The following CENATAC variants were observed in gnomAD, a reference collection of about 807,000 sequenced individuals.
The protein encoded by CENATAC is centrosomal AT-AC splicing factor.
In CENATAC, 53 loss-of-function variants were observed where a neutral mutation model predicts 53.7. The observed-to-expected ratio is 0.99, with a 90% CI of 0.79 to 1.24. The LOEUF is 1.24. Ranked by LOEUF, CENATAC falls within the 50% of genes most tolerant of loss-of-function variation. The probability of loss-of-function intolerance (pLI) is 0.00; values close to 1 mark genes in which losing one functional copy is unlikely to be tolerated. For synonymous variants in CENATAC, 156 were observed against 144.6 expected, an observed-to-expected ratio of 1.08 and a Z score of -0.57; for missense variants, 474 against 417.8, an observed-to-expected ratio of 1.13 and a Z score of -1.17.
At chr11:118,999,334 T>C (rs1351910947) in intron 3 of CENATAC, 1 of 477,124 alleles carries the variant, frequency 2.1e-6, no homozygotes, top group Non-Finnish European at 3.8e-6. Flanking sequence ...ATACTAAAAG[T>C]TGACTGTTAT....
intron 3 of CENATAC, among the ~76,000 whole-genome samples, chr11:119,006,895 G>C (rs1001816053): frequency 6.6e-6 from 1 of 152,148 alleles, no homozygotes; most frequent in Admixed American, 6.5e-5. Flanking sequence ...CCTTTCACTT[G>C]GTTTTCATTC....
At chr11:119,001,458 C>T (rs974371629) in intron 3 of CENATAC, among the ~76,000 whole-genome samples, 3 of 151,600 alleles carry the variant, frequency 2.0e-5, no homozygotes, top group Admixed American at 2.0e-4. Context: ...GTGGTGCGAT[C>T]TCGGCTCACT....
At chr11:119,013,880 T>A (rs1169024662) in intron 8 of CENATAC, among the ~76,000 whole-genome samples, 1 of 151,956 alleles carries the variant, frequency 6.6e-6, no homozygotes. Flanking sequence ...AATAAAAGCA[T>A]ATGAATAATG....
intron 7 of CENATAC, 92 bp downstream of exon 7, chr11:119,012,346 T>C: frequency 7.3e-7 from 1 of 1,365,538 alleles, no homozygotes; most frequent in East Asian, 2.4e-5. Flanking sequence ...AAGCCACTGC[T>C]GCCTCCACTG....
chr11:119,014,981 ATT>A lies in CENATAC; in HGVS notation c.716-5_716-4del, dbSNP rs781860759. On this transcript the variant is annotated splice_polypyrimidine_tract_variant and intron_variant, in intron 8 of 10. Coordinates refer to ENST00000334418, the MANE Select transcript of CENATAC (RefSeq NM_198489.3). Reference sequence around the variant, plus strand: ...CTTAAAAAAAAAAAAAAAAGCCTTAATTTTTTTTTCAGGTGCCACACCTCCCT... The same window carrying A: ...CTTAAAAAAAAAAAAAAAAGCCTTAATTTTTTTCAGGTGCCACACCTCCCT... 18 of 1,474,658 alleles carry A rather than the reference ATT, an allele frequency of 1.2e-5. No individual in the cohort carries two copies. The Admixed American group carries it at 3.5e-4, about 29-fold the overall frequency. The allele number at this position is 1,474,658 out of a possible 1,614,324, so 91.3% of individuals were successfully genotyped here.
chr11:119,014,957 T>C, intron 8 of CENATAC, 37 bp from the exon 9 acceptor site: 1 of 944,546 alleles, frequency 1.1e-6, no homozygotes, highest in Non-Finnish European at 1.5e-6. Context: ...GCCTGAAGAC[T>C]TAAAAAAAAA....
rs782202051 is a variant in CENATAC at position 118,998,340 on chromosome 11, G to A, written c.120+23G>A. 5 of 1,611,210 alleles carry A rather than the reference G, an allele frequency of 3.1e-6. No individual in the cohort carries two copies. In the East Asian group the frequency reaches 1.1e-4, roughly 36 times the overall value. On this transcript the variant is annotated intron_variant, in intron 1 of 10. Transcript: ENST00000334418. ...CAGGTGCGGAGGCAAGGCTAGAGAT[G>A]GGATGGGAGTGCGGGGCAGGTCAGT... is the stretch of plus-strand genomic sequence containing the variant.
At chr11:119,008,251 G>A (rs1042484863) in intron 3 of CENATAC, among the ~76,000 whole-genome samples, 2 of 152,184 alleles carry the variant, frequency 1.3e-5, no homozygotes, top group African/African-American at 2.4e-5. Flanking sequence ...GACCTGCACC[G>A]GCACCGGCCT....
chr11:118,999,791 T>C (rs902149804), intron 3 of CENATAC, among the ~76,000 whole-genome samples: 10 of 152,168 alleles, frequency 6.6e-5, no homozygotes, highest in Admixed American at 3.9e-4. Context: ...TACAGGCGCC[T>C]GCCACCACGC....
intron 3 of CENATAC, among the ~76,000 whole-genome samples, chr11:119,000,111 C>T (rs1163155378): frequency 6.6e-6 from 1 of 152,228 alleles, no homozygotes; most frequent in Non-Finnish European, 1.5e-5. Flanking sequence ...GGGAATTCAT[C>T]TGCTGCCTCT....
intron 2 of CENATAC, 112 bp from the exon 3 acceptor site, chr11:118,998,899 C>A: frequency 1.2e-6 from 1 of 800,336 alleles, no homozygotes; most frequent in Non-Finnish European, 2.1e-6. Flanking sequence ...CCTCTCTCAG[C>A]CGTGCCCCAG....
intron 3 of CENATAC, among the ~76,000 whole-genome samples, chr11:119,009,117 T>C (rs1592068271): frequency 6.6e-6 from 1 of 152,308 alleles, no homozygotes; most frequent in East Asian, 1.9e-4. Flanking sequence ...CTGATCTTTC[T>C]TTCTTTTCCC....
Position 119,015,323 on chromosome 11 carries a change from G to A in CENATAC, c.822G>A (p.Leu274=). Residue 274 remains leucine, a synonymous_variant, in exon 10 of 11, where the codon TTG becomes TTA. Transcript: ENST00000334418. ...ATTGTACAGAGGAAAAACAGAAGTT[G>A]AAAAAACTCCCCCCAGACCGAGTTG... is the stretch of plus-strand genomic sequence containing the variant. ...EFLKEKEKQK[L]KKLPPDRVGA... is the part of the protein sequence containing the mutation. 6.2e-7 allele frequency: 1 copy of A among 1,611,438 alleles called. No individual in the cohort carries two copies. Among genetic ancestry groups the A allele is most frequent in the African/African-American group, 1.3e-5 (1 of 74,774 alleles).
intron 3 of CENATAC, chr11:119,003,621 CT>C (rs138779092): frequency 7.6e-3 from 973 of 128,726 alleles, no homozygotes; most frequent in South Asian, 0.022. Context: ...ATTTCTCTCT[CT>C]TTTTTTTTTT....
At chr11:119,015,162 A>G in intron 9 of CENATAC, 79 bp downstream of exon 9, 1 of 1,460,520 alleles carries the variant, frequency 6.8e-7, no homozygotes, top group Non-Finnish European at 9.5e-7. Context: ...GTGGTGGCTC[A>G]TGGCTATAAT....
chr11:119,006,616 G>A (rs367611579), intron 3 of CENATAC, among the ~76,000 whole-genome samples: 3 of 152,132 alleles, frequency 2.0e-5, no homozygotes, highest in East Asian at 1.9e-4. Context: ...TGATCCACCC[G>A]CCTCGGCCTC....
chr11:119,007,706 C>CA (rs1942672808), intron 3 of CENATAC, among the ~76,000 whole-genome samples: 1 of 152,130 alleles, frequency 6.6e-6, no homozygotes, highest in Admixed American at 6.6e-5. Flanking sequence ...GAGCTGGTCT[C>CA]AAACTCCTGG....
chr11:119,002,832 C>T (rs955810324), intron 3 of CENATAC, among the ~76,000 whole-genome samples: 1 of 152,002 alleles, frequency 6.6e-6, no homozygotes, highest in African/African-American at 2.4e-5. Flanking sequence ...GTTGTCCAGG[C>T]TGGAGGGCAG....
intron 3 of CENATAC, chr11:119,005,031 G>C (rs549893343): frequency 7.9e-5 from 12 of 151,940 alleles, no homozygotes; most frequent in Admixed American, 4.6e-4. Context: ...CTGCACTCTA[G>C]CCTGGGCAAC....
Sources: allele counts gnomAD v4.1 joint callset (sites outside exome capture counted in the v4.1 genomes callset), GRCh38; gene constraint gnomAD v4.1.1; transcripts MANE v1.5; gene names NCBI Gene and HGNC (gene_info 2026-07-23, HGNC 2026-07-21).